PEBP4: variants seen among roughly 807,000 people sequenced by gnomAD.
PEBP4 encodes phosphatidylethanolamine binding protein 4.
In PEBP4, 22 loss-of-function variants were observed where a neutral mutation model predicts 23.9. The observed-to-expected ratio is 0.92, with a 90% CI of 0.66 to 1.31. The LOEUF is 1.31. Among genes scored for constraint, PEBP4 ranks in the 40% most tolerant of loss-of-function variants. The probability of loss-of-function intolerance (pLI) is 0.00; values close to 1 mark genes in which losing one functional copy is unlikely to be tolerated. For missense variants in PEBP4, 324 were observed against 281.7 expected, an observed-to-expected ratio of 1.15 and a Z score of -1.07; for synonymous variants, 112 against 99.3, an observed-to-expected ratio of 1.13 and a Z score of -0.76.
At chr8:22,774,842 T>C (rs1011261288) in intron 4 of PEBP4, among the ~76,000 whole-genome samples, 1 of 152,132 alleles carries the variant, frequency 6.6e-6, no homozygotes, top group Non-Finnish European at 1.5e-5. Context: ...TCTGTTGCCA[T>C]ATGGAAAGAA....
chr8:22,824,523 T>C (rs376343739), intron 3 of PEBP4, among the ~76,000 whole-genome samples: 8 of 152,330 alleles, frequency 5.3e-5, no homozygotes, highest in African/African-American at 1.9e-4. Context: ...TTCAGGATGA[T>C]TCAAGCACAT....
At chr8:22,736,846 T>G (rs1804872131) in intron 4 of PEBP4, among the ~76,000 whole-genome samples, 1 of 152,214 alleles carries the variant, frequency 6.6e-6, no homozygotes, top group Admixed American at 6.5e-5. Context: ...ATCTTATATT[T>G]TTAGCTCCCC....
At chr8:22,890,787 T>G (rs1808477642) in intron 3 of PEBP4, among the ~76,000 whole-genome samples, 1 of 152,246 alleles carries the variant, frequency 6.6e-6, no homozygotes, top group Non-Finnish European at 1.5e-5. Context: ...TGAACCTCAC[T>G]AGTAACTTGG....
chr8:22,728,595 CCTTCCTTCCTTCCTTCCCTTT>C, intron 4 of PEBP4, among the ~76,000 whole-genome samples: 2 of 136,578 alleles, frequency 1.5e-5, no homozygotes, highest in African/African-American at 5.4e-5. Context: ...TTCCTTCCTT[CCTTCCTTCCTTCCTTCCCTTT>C]TTTTGGAGTC....
chr8:22,833,525 T>A (rs578254943), intron 3 of PEBP4, among the ~76,000 whole-genome samples: 2 of 152,250 alleles, frequency 1.3e-5, no homozygotes, highest in African/African-American at 4.8e-5. Context: ...AGAGATGGGG[T>A]TTCACCATGT....
At chr8:22,813,178 T>C (rs1391420633) in intron 4 of PEBP4, among the ~76,000 whole-genome samples, 1 of 152,224 alleles carries the variant, frequency 6.6e-6, no homozygotes, top group Non-Finnish European at 1.5e-5. Context: ...GACAAAATAA[T>C]GACCCTTTAG....
intron 4 of PEBP4, among the ~76,000 whole-genome samples, chr8:22,733,790 GTTTGGGGAGGGTGGGGATGGGGGA>G (rs1563198058): frequency 9.0e-6 from 1 of 111,538 alleles, no homozygotes. Context: ...GGGATGGGGG[GTTTGGGGAGGGTGGGGATGGGGGA>G]ATTGGGGAGG....
At chr8:22,927,758 G>A (rs1175475200) in intron 1 of PEBP4, 38 bp from the exon 2 acceptor site, 6 of 1,610,994 alleles carry the variant, frequency 3.7e-6, no homozygotes, top group Admixed American at 3.4e-5. Context: ...TGGATCCCCT[G>A]CAGGGGCCTT....
chr8:22,766,572 T>A (rs937060498), intron 4 of PEBP4, among the ~76,000 whole-genome samples: 1 of 152,214 alleles, frequency 6.6e-6, no homozygotes, highest in Non-Finnish European at 1.5e-5. Context: ...ATCTCTGCGA[T>A]GATGCGACCT....
intron 3 of PEBP4, among the ~76,000 whole-genome samples, chr8:22,882,569 G>A (rs539891863): frequency 6.6e-6 from 1 of 152,354 alleles, no homozygotes; most frequent in Non-Finnish European, 1.5e-5. Flanking sequence ...GTGGCTCCCG[G>A]AGAGAAAGCA....
intron 3 of PEBP4, among the ~76,000 whole-genome samples, chr8:22,836,518 G>T (rs1807208233): frequency 1.3e-5 from 2 of 152,228 alleles, no homozygotes; most frequent in Admixed American, 6.5e-5. Context: ...AGTGCCTTCT[G>T]CCACTGTGCT....
intron 4 of PEBP4, among the ~76,000 whole-genome samples, chr8:22,732,070 G>A (rs542430628): frequency 7.8e-4 from 118 of 152,226 alleles, no homozygotes; most frequent in African/African-American, 2.8e-3. Context: ...ACGCTGAAAA[G>A]CCCAGGATGG....
intron 3 of PEBP4, among the ~76,000 whole-genome samples, chr8:22,918,235 T>C (rs931274210): frequency 1.3e-5 from 2 of 152,204 alleles, no homozygotes; most frequent in Non-Finnish European, 2.9e-5. Context: ...CCATAAACTA[T>C]AGTTCCATAG....
rs186127456 is a variant in PEBP4 at position 22,908,020 on chromosome 8, A to G, written c.258+12164T>C. ...AGAGTGGGACCCTGTCTCAAAAAAA[A>G]AAAAAGAGATACTGATGACTCCAAC... On this transcript the variant is annotated intron_variant, in intron 3 of 6. Transcript: ENST00000256404. Among the ~76,000 whole-genome samples the G allele has an allele frequency of 3.0e-3, 459 of 152,054 alleles. 3 individuals carry two copies. Among genetic ancestry groups the G allele is most frequent in the Admixed American group, 4.0e-3 (61 of 15,276 alleles).
intron 3 of PEBP4, among the ~76,000 whole-genome samples, chr8:22,851,785 T>C (rs1807556923): frequency 6.6e-6 from 1 of 152,182 alleles, no homozygotes; most frequent in South Asian, 2.1e-4. Flanking sequence ...TCAGCCCTGA[T>C]AATTGAATCT....
chr8:22,715,752 A>C (rs1804403545), intron 6 of PEBP4, among the ~76,000 whole-genome samples: 1 of 152,162 alleles, frequency 6.6e-6, no homozygotes, highest in African/African-American at 2.4e-5. Context: ...CGTGCCGGCT[A>C]GCCTCTTGCT....
At chr8:22,777,281 C>G (rs1805832326) in intron 4 of PEBP4, among the ~76,000 whole-genome samples, 1 of 152,170 alleles carries the variant, frequency 6.6e-6, no homozygotes, top group Non-Finnish European at 1.5e-5. Context: ...CATCATCTCT[C>G]ACATTTACAG....
chr8:22,726,348 C>T (rs991035215), intron 5 of PEBP4, among the ~76,000 whole-genome samples: 3 of 152,178 alleles, frequency 2.0e-5, no homozygotes, highest in Non-Finnish European at 4.4e-5. Flanking sequence ...GTACACTCCA[C>T]CGTGGGCACA....
At chr8:22,907,267 C>A (rs1051519510) in intron 3 of PEBP4, among the ~76,000 whole-genome samples, 1 of 152,188 alleles carries the variant, frequency 6.6e-6, no homozygotes, top group Non-Finnish European at 1.5e-5. Flanking sequence ...CAAGACCAGC[C>A]TGGCCAACAT....
Sources: gnomAD v4.1 joint callset for allele counts (sites outside exome capture counted in the v4.1 genomes callset) on GRCh38, gnomAD v4.1.1 for gene constraint, MANE v1.5 for transcripts, NCBI Gene and HGNC (gene_info 2026-07-23, HGNC 2026-07-21) for gene names.